NLRP11: variants seen among roughly 807,000 people sequenced by gnomAD.
NLRP11 encodes the protein NLR family pyrin domain containing 11.
In NLRP11, 53 loss-of-function variants were observed where a neutral mutation model predicts 79.3. The ratio of observed to expected loss-of-function variants is 0.67; its 90% confidence interval spans 0.54 to 0.84. The LOEUF is 0.84. Ranked by LOEUF, NLRP11 falls within the 40% of genes least tolerant of loss-of-function variation. The pLI is 0.00. For missense variants in NLRP11, 1,264 were observed against 1,255.0 expected (o/e 1.01, Z -0.11); for synonymous variants, 518 against 462.6 (o/e 1.12, Z -1.54).
intron 5 of NLRP11, among the ~76,000 whole-genome samples, chr19:55,797,022 C>A (rs1349893762): frequency 1.4e-5 from 2 of 145,092 alleles, no homozygotes; most frequent in Non-Finnish European, 2.9e-5. Flanking sequence ...CTGTACCATC[C>A]TCCCTGATCT....
At position 55,801,498 on chromosome 19, in the gene NLRP11, A is replaced by C; in HGVS notation, c.2171+74T>G. On this transcript the variant is annotated intron_variant, in intron 5 of 9. Coordinates refer to ENST00000589093, the Ensembl canonical transcript of NLRP11. Reference sequence around the variant, plus strand: ...AGGTAGGAGCAGGTAGTGTTATTGAAGGGGCACCTCTATCCACCAACACCC... The same window carrying C: ...AGGTAGGAGCAGGTAGTGTTATTGACGGGGCACCTCTATCCACCAACACCC... 7 of 1,190,930 alleles carry C rather than the reference A, an allele frequency of 5.9e-6. No homozygotes were observed. The South Asian group carries it at 9.3e-5, about 16-fold the overall frequency. 73.8% of individuals were successfully genotyped at this position (1,190,930 alleles called of 1,614,324 possible).
intron 4 of NLRP11, among the ~76,000 whole-genome samples, chr19:55,803,834 C>T (rs1979720788): frequency 6.6e-6 from 1 of 152,194 alleles, no homozygotes; most frequent in African/African-American, 2.4e-5. Context: ...GTAATCCTAG[C>T]ACTTTGGGAG....
At chr19:55,808,826 T>C (rs763644352) in exon 3 of NLRP11, 1 of 1,613,990 alleles carries the variant, frequency 6.2e-7, no homozygotes, top group Non-Finnish European at 8.5e-7. Context: ...AACACTCAAC[T>C]TAAGTGTCCT....
At chr19:55,790,173 C>T (rs968098871) in intron 7 of NLRP11, among the ~76,000 whole-genome samples, 9 of 152,180 alleles carry the variant, frequency 5.9e-5, no homozygotes, top group South Asian at 2.1e-4. Flanking sequence ...ATACCCTACC[C>T]TCAGCACTCC....
intron 6 of NLRP11, among the ~76,000 whole-genome samples, chr19:55,795,859 G>T (rs1978793935): frequency 6.6e-6 from 1 of 152,142 alleles, no homozygotes; most frequent in South Asian, 2.1e-4. Context: ...TGTCCAGATT[G>T]AGAAATACAA....
At chr19:55,812,463 G>T (rs1214303786) in intron 2 of NLRP11, among the ~76,000 whole-genome samples, 1 of 152,186 alleles carries the variant, frequency 6.6e-6, no homozygotes, top group Non-Finnish European at 1.5e-5. Context: ...TAAAATACGT[G>T]TAATTACAGT....
chr19:55,827,976 C>T (rs375367228), intron 1 of NLRP11, among the ~76,000 whole-genome samples: 3 of 151,744 alleles, frequency 2.0e-5, no homozygotes. Flanking sequence ...AGTATGTTTA[C>T]TGCGGCATTA....
At chr19:55,803,808 G>A (rs772174139) in intron 4 of NLRP11, among the ~76,000 whole-genome samples, 11 of 151,422 alleles carry the variant, frequency 7.3e-5, no homozygotes, top group African/African-American at 2.4e-4. Context: ...CAGGCTGGGC[G>A]TGGAGGCTCA....
At chr19:55,827,047 G>T (rs1015620830) in intron 1 of NLRP11, among the ~76,000 whole-genome samples, 2 of 145,822 alleles carry the variant, frequency 1.4e-5, no homozygotes, top group Non-Finnish European at 3.0e-5. Flanking sequence ...AAACAGCATG[G>T]TACTGGTACC....
intron 1 of NLRP11, among the ~76,000 whole-genome samples, chr19:55,822,569 G>C (rs1180316404): frequency 6.6e-6 from 1 of 152,082 alleles, no homozygotes; most frequent in Non-Finnish European, 1.5e-5. Flanking sequence ...CCGTGCGCGA[G>C]CCGAAGCAGG....
intron 6 of NLRP11, among the ~76,000 whole-genome samples, chr19:55,795,793 C>T (rs565446806): frequency 6.6e-6 from 1 of 152,136 alleles, no homozygotes; most frequent in Admixed American, 6.5e-5. Flanking sequence ...CGGCCGTGAC[C>T]ACCATTTTTA....
chr19:55,790,340 C>T (rs1423751885), intron 7 of NLRP11, among the ~76,000 whole-genome samples: 1 of 152,168 alleles, frequency 6.6e-6, no homozygotes, highest in Non-Finnish European at 1.5e-5. Context: ...TTTGCCACTG[C>T]AGCACAAATG....
At chr19:55,822,169 C>T (rs1290011896) in intron 1 of NLRP11, among the ~76,000 whole-genome samples, 1 of 152,128 alleles carries the variant, frequency 6.6e-6, no homozygotes, top group Non-Finnish European at 1.5e-5. Context: ...AAGGCTGAGA[C>T]AGGAGAATCA....
chr19:55,805,054 G>A (rs977936748), intron 4 of NLRP11, among the ~76,000 whole-genome samples: 8 of 151,810 alleles, frequency 5.3e-5, no homozygotes, highest in African/African-American at 1.9e-4. Context: ...AGAGCAAGAC[G>A]CTGACTCAAA....
intron 5 of NLRP11, among the ~76,000 whole-genome samples, chr19:55,799,643 G>A (rs1032380730): frequency 1.3e-5 from 2 of 152,118 alleles, no homozygotes; most frequent in African/African-American, 4.8e-5. Context: ...ATAGGGAGAA[G>A]GGATGCTGAG....
intron 2 of NLRP11, among the ~76,000 whole-genome samples, chr19:55,812,231 A>G (rs1276287149): frequency 6.6e-6 from 1 of 152,234 alleles, no homozygotes; most frequent in East Asian, 1.9e-4. Flanking sequence ...TATTAGGTAT[A>G]TAGAGTATAA....
chr19:55,828,383 A>T (rs759945490), intron 1 of NLRP11, among the ~76,000 whole-genome samples: 11 of 151,384 alleles, frequency 7.3e-5, no homozygotes, highest in Admixed American at 6.6e-4. Flanking sequence ...AACCTGCACA[A>T]TGTGCACATG....
chr19:55,790,411 C>A (rs1407733890), intron 7 of NLRP11, among the ~76,000 whole-genome samples: 1 of 152,130 alleles, frequency 6.6e-6, no homozygotes, highest in African/African-American at 2.4e-5. Flanking sequence ...TAAAACCAGG[C>A]AGAGGGCCAG....
intron 2 of NLRP11, among the ~76,000 whole-genome samples, chr19:55,817,486 A>G (rs1045524442): frequency 7.9e-5 from 12 of 151,874 alleles, no homozygotes; most frequent in African/African-American, 2.7e-4. Context: ...CACAAATACT[A>G]CTCAGTCATA....
Sources: allele counts gnomAD v4.1 joint callset (sites outside exome capture counted in the v4.1 genomes callset), GRCh38; gene constraint gnomAD v4.1.1; transcripts MANE v1.5; gene names NCBI Gene and HGNC (gene_info 2026-07-23, HGNC 2026-07-21).